ADARB2: variants seen among roughly 807,000 people sequenced by gnomAD.
ADARB2 encodes the protein inactive double-stranded RNA-specific editase B2.
ADARB2 carries 25 observed loss-of-function variants against 62.2 expected under a neutral mutation model. That is an observed-to-expected ratio of 0.40 (90% CI 0.29 to 0.56). ADARB2 has a LOEUF of 0.56. Among genes scored for constraint, ADARB2 ranks in the 20% least tolerant of loss-of-function variants. ADARB2 has a pLI of 0.43. For synonymous variants in ADARB2, 572 were observed against 500.8 expected, an observed-to-expected ratio of 1.14 and a Z score of -1.90; for missense variants, 1,071 against 1,077.4, an observed-to-expected ratio of 0.99 and a Z score of 0.08.
In ADARB2 at chr10:1,265,584, CACGCTCTCCCGGAAGACGG is replaced by C. The variant is rs1831188662; in HGVS notation, c.1192+5352_1192+5370del. On this transcript the variant is annotated intron_variant, in intron 4 of 9. Transcript: ENST00000381312. ...CCCGGAAGACGGCCTGAGTCAGGTCCACGCTCTCCCGGAAGACGGCCTGAGAGGGGGGCCCAGGCTCTCC... is the reference window on the plus strand; with the variant it reads ...CCCGGAAGACGGCCTGAGTCAGGTCCCCTGAGAGGGGGGCCCAGGCTCTCC... 3.6e-5 allele frequency among the ~76,000 whole-genome samples: 5 copies of C among 138,886 alleles called. 1 individual carries two copies. The highest frequency in any genetic ancestry group is 1.4e-4 in the Admixed American group (2 of 14,300). 91.1% of individuals were successfully genotyped at this position (138,886 alleles called of 152,430 possible).
chr10:1,272,140 G>A (rs1831268715), intron 3 of ADARB2, among the ~76,000 whole-genome samples: 1 of 152,194 alleles, frequency 6.6e-6, no homozygotes, highest in African/African-American at 2.4e-5. Flanking sequence ...CACAGGCATT[G>A]CCTGAGCCTC....
rs74123403 is a variant in ADARB2 at position 1,392,509 on chromosome 10, G to T, written c.101-13349C>A. Among the ~76,000 whole-genome samples, 703 of 152,256 alleles carry T rather than the reference G, an allele frequency of 4.6e-3. 7 individuals carry two copies. Among genetic ancestry groups the T allele is most frequent in the African/African-American group, 0.017 (689 of 41,554 alleles). On this transcript the variant is annotated intron_variant, in intron 1 of 9. Coordinates refer to ENST00000381312, the MANE Select transcript of ADARB2 (RefSeq NM_018702.4). The stretch of plus-strand genomic sequence containing the variant: ...AAAAGCAAATCAGTGTGGACAGGTG[G>T]AATGCCCTGAGAAGCAAGGGGATGA...
At chr10:1,266,511 T>TGGGGGGGGGGGGGGGGGG (rs782182369) in intron 4 of ADARB2, among the ~76,000 whole-genome samples, 30 of 128,510 alleles carry the variant, frequency 2.3e-4, no homozygotes, top group Admixed American at 4.0e-4. Flanking sequence ...TGGTGGGGGG[T>TGGGGGGGGGGGGGGGGGG]GGGGGGGGGG....
At chr10:1,450,878 G>C (rs2131901561) in intron 1 of ADARB2, among the ~76,000 whole-genome samples, 1 of 152,356 alleles carries the variant, frequency 6.6e-6, no homozygotes, top group African/African-American at 2.4e-5. Context: ...TGAGGGGTGG[G>C]AAAGTGGTGA....
At chr10:1,556,589 CT>C (rs1462333624) in intron 1 of ADARB2, 2 of 460,962 alleles carry the variant, frequency 4.3e-6, no homozygotes, top group Non-Finnish European at 9.1e-6. Flanking sequence ...TGAGCATTTG[CT>C]TTTTTCTGTC....
At chr10:1,539,915 C>A (rs1184044759) in intron 1 of ADARB2, among the ~76,000 whole-genome samples, 3 of 152,182 alleles carry the variant, frequency 2.0e-5, no homozygotes, top group Non-Finnish European at 4.4e-5. Flanking sequence ...GTTTAGAAGG[C>A]AATTTGCAGA....
chr10:1,225,167 G>T (rs1393943195), intron 6 of ADARB2, among the ~76,000 whole-genome samples: 2 of 152,130 alleles, frequency 1.3e-5, no homozygotes, highest in African/African-American at 4.8e-5. Flanking sequence ...TTACCATTAT[G>T]TAATGGCCTT....
chr10:1,728,016 A>G, intron 1 of ADARB2, among the ~76,000 whole-genome samples: 1 of 152,272 alleles, frequency 6.6e-6, no homozygotes, highest in Non-Finnish European at 1.5e-5. Flanking sequence ...TTCTTTCTGT[A>G]TTGGTAGCCA....
At chr10:1,647,912 A>G (rs1230790023) in intron 1 of ADARB2, among the ~76,000 whole-genome samples, 2 of 152,022 alleles carry the variant, frequency 1.3e-5, no homozygotes, top group African/African-American at 2.4e-5. Context: ...TATTATATAT[A>G]CAATTTTTAA....
intron 1 of ADARB2, among the ~76,000 whole-genome samples, chr10:1,459,805 C>A (rs1398065528): frequency 6.6e-6 from 1 of 152,158 alleles, no homozygotes; most frequent in Non-Finnish European, 1.5e-5. Flanking sequence ...GAGAGGGGAA[C>A]AACACACACT....
intron 1 of ADARB2, among the ~76,000 whole-genome samples, chr10:1,563,391 C>A (rs1228481413): frequency 6.6e-6 from 1 of 152,286 alleles, no homozygotes; most frequent in South Asian, 2.1e-4. Flanking sequence ...TGTGTCCCTG[C>A]GTCCCCCTCA....
chr10:1,714,924 C>T (rs547281117), intron 1 of ADARB2, among the ~76,000 whole-genome samples: 224 of 152,230 alleles, frequency 1.5e-3, no homozygotes, highest in African/African-American at 5.3e-3. Flanking sequence ...CATACGTATA[C>T]ATGTGCCATG....
intron 1 of ADARB2, among the ~76,000 whole-genome samples, chr10:1,485,611 G>A (rs1164696366): frequency 6.6e-6 from 1 of 152,164 alleles, no homozygotes; most frequent in African/African-American, 2.4e-5. Flanking sequence ...TGACTCTCCT[G>A]GTCTGATCCA....
intron 1 of ADARB2, among the ~76,000 whole-genome samples, chr10:1,717,584 TTTC>T (rs1362602924): frequency 2.0e-5 from 3 of 151,790 alleles, no homozygotes; most frequent in South Asian, 2.1e-4. Context: ...TCCTTCTTTC[TTTC>T]TTCTTTTTTT....
chr10:1,274,230 C>A (rs1831292197), intron 3 of ADARB2, among the ~76,000 whole-genome samples: 1 of 152,264 alleles, frequency 6.6e-6, no homozygotes, highest in Non-Finnish European at 1.5e-5. Flanking sequence ...GCCACGGGGA[C>A]ACTTCCCCAG....
At chr10:1,643,000 GGGCCAAGA>G (rs2119060221) in intron 1 of ADARB2, among the ~76,000 whole-genome samples, 1 of 152,354 alleles carries the variant, frequency 6.6e-6, no homozygotes, top group East Asian at 1.9e-4. Flanking sequence ...TGCAAGCGCA[GGGCCAAGA>G]GGCCTGGGTG....
chr10:1,600,287 T>C (rs1564343130), intron 1 of ADARB2, among the ~76,000 whole-genome samples: 3 of 152,116 alleles, frequency 2.0e-5, no homozygotes, highest in African/African-American at 4.8e-5. Context: ...GCATTGGCAA[T>C]ACCTTATCCC....
intron 1 of ADARB2, among the ~76,000 whole-genome samples, chr10:1,690,589 A>T (rs1340268141): frequency 6.6e-6 from 1 of 152,044 alleles, no homozygotes; most frequent in Non-Finnish European, 1.5e-5. Flanking sequence ...AAATAACTGG[A>T]AGGAGAGAAA....
At chr10:1,433,429 A>G (rs1830797200) in intron 1 of ADARB2, among the ~76,000 whole-genome samples, 1 of 152,168 alleles carries the variant, frequency 6.6e-6, no homozygotes, top group Non-Finnish European at 1.5e-5. Flanking sequence ...GTCACCAGGG[A>G]AGTGGATTAA....
Sources: gnomAD v4.1 joint callset for allele counts (sites outside exome capture counted in the v4.1 genomes callset) on GRCh38, gnomAD v4.1.1 for gene constraint, MANE v1.5 for transcripts, NCBI Gene and HGNC (gene_info 2026-07-23, HGNC 2026-07-21) for gene names.